The following SVIL variants were observed in gnomAD, a reference collection of about 807,000 sequenced individuals.
SVIL encodes supervillin.
SVIL carries 101 observed loss-of-function variants against 240.4 expected under a neutral mutation model. That is an observed-to-expected ratio of 0.42 (90% CI 0.36 to 0.50). SVIL has a LOEUF of 0.50. Ranked by LOEUF, SVIL falls within the 20% of genes least tolerant of loss-of-function variation. SVIL has a pLI of 0.01. For missense variants in SVIL, 2,512 were observed against 2,818.7 expected (o/e 0.89, Z 2.46); for synonymous variants, 999 against 1,100.0 (o/e 0.91, Z 1.82).
intron 17 of SVIL, among the ~76,000 whole-genome samples, chr10:29,502,155 T>C (rs1383969206): frequency 6.6e-6 from 1 of 152,234 alleles, no homozygotes; most frequent in Non-Finnish European, 1.5e-5. Flanking sequence ...AATAGTAATA[T>C]TAAACATAAA....
intron 34 of SVIL, among the ~76,000 whole-genome samples, chr10:29,464,146 C>A (rs1944605843): frequency 6.6e-6 from 1 of 152,092 alleles, no homozygotes; most frequent in Non-Finnish European, 1.5e-5. Flanking sequence ...CCTTAAAAAG[C>A]AAAACTGCCA....
Position 29,524,552 on chromosome 10 carries a change from G to T in SVIL, c.2506C>A (p.Arg836=). 6.2e-7 allele frequency: 1 copy of T among 1,614,010 alleles called. No individual in the cohort carries two copies. The highest frequency in any genetic ancestry group is 8.5e-7 in the Non-Finnish European group (1 of 1,180,022). ...CTCTGTCTCGTGTCTATTCTGTTCC[G>T]GGTAGAAATCGCTTTTGAGACTGGC... ...SQPVSKAIST[R]NRIDTRQRRM... is the part of the protein sequence containing the mutation. The change falls in exon 14 of 38, where the codon CGG becomes AGG. Residue 836 remains arginine, a synonymous_variant. Coordinates refer to ENST00000355867, the MANE Select transcript of SVIL (RefSeq NM_021738.3).
At chr10:29,493,441 C>T in intron 20 of SVIL, 50 bp from the exon 21 acceptor site, 1 of 1,591,764 alleles carries the variant, frequency 6.3e-7, no homozygotes, top group Non-Finnish European at 8.6e-7. Flanking sequence ...AACAAGGACT[C>T]CAATTATGCT....
chr10:29,465,307 G>A (rs1019236557), intron 34 of SVIL, among the ~76,000 whole-genome samples: 18 of 152,194 alleles, frequency 1.2e-4, no homozygotes, highest in East Asian at 3.9e-4. Context: ...GGAAAAGAGC[G>A]GAGACGCCAG....
At chr10:29,679,668 A>G (rs1020247429) in intron 2 of SVIL, among the ~76,000 whole-genome samples, 15 of 148,484 alleles carry the variant, frequency 1.0e-4, no homozygotes, top group Admixed American at 9.5e-4. Flanking sequence ...AGATTCTCCT[A>G]CCTCAGCCTC....
intron 18 of SVIL, among the ~76,000 whole-genome samples, 182 bp downstream of exon 18, chr10:29,498,934 C>A (rs1291813322): frequency 1.3e-5 from 2 of 152,194 alleles, no homozygotes; most frequent in Non-Finnish European, 2.9e-5. Context: ...TGAGCCATGA[C>A]TGAGCCACTG....
At chr10:29,645,695 A>C (rs943207804) in intron 3 of SVIL, among the ~76,000 whole-genome samples, 1 of 152,270 alleles carries the variant, frequency 6.6e-6, no homozygotes, top group Non-Finnish European at 1.5e-5. Flanking sequence ...TCCTTTGATC[A>C]TGCCTCAACT....
chr10:29,651,478 T>G (rs1253652245), intron 3 of SVIL, among the ~76,000 whole-genome samples: 2 of 152,190 alleles, frequency 1.3e-5, no homozygotes, highest in Admixed American at 1.3e-4. Context: ...TGACTACCTC[T>G]CGGTAGGACT....
chr10:29,514,171 A>AATCCATAAATATTTTT (rs61122016), intron 16 of SVIL, among the ~76,000 whole-genome samples: 70,291 of 150,524 alleles, frequency 0.47, 17,777 homozygotes, highest in African/African-American at 0.65. Flanking sequence ...ATAAATATTA[A>AATCCATAAATATTTTT]ATCCATAAAT....
chr10:29,484,571 G>A lies in SVIL; in HGVS notation c.4955+85C>T, dbSNP rs990773670. ...ATGAAAACTGAACCCTATAAAGAGC[G>A]AGAGTAGAGGACTGTGGTGAGAACA... On this transcript the variant is annotated intron_variant, in intron 27 of 37. Coordinates refer to ENST00000355867, the MANE Select transcript of SVIL (RefSeq NM_021738.3). This position sits in a 1 kb window ranked among gnomAD's most constrained non-coding sequence, Gnocchi z 4.7. The A allele has an allele frequency of 4.6e-5, 57 of 1,248,260 alleles. No individual in the cohort carries two copies. The highest frequency in any genetic ancestry group is 5.7e-5 in the Admixed American group (2 of 34,812). 77.3% of individuals were successfully genotyped at this position (1,248,260 alleles called of 1,614,324 possible). A position where few individuals can be genotyped will look rare whatever the true frequency, so the allele number is the denominator to read the frequency against.
At position 29,482,169 on chromosome 10, in the gene SVIL, C is replaced by T. The variant is rs567156427; in HGVS notation, c.4956-441G>A. On this transcript the variant is annotated intron_variant, in intron 27 of 37. Coordinates refer to ENST00000355867, the MANE Select transcript of SVIL (RefSeq NM_021738.3). Reference sequence around the variant, plus strand: ...TCAGCCTTGCAGATAGCTGGAACTGCAGGTGTGTGCCACCATGCGTAGCTA... The same window carrying T: ...TCAGCCTTGCAGATAGCTGGAACTGTAGGTGTGTGCCACCATGCGTAGCTA... 2.0e-5 allele frequency among the ~76,000 whole-genome samples: 3 copies of T among 152,140 alleles called. No individual in the cohort carries two copies. The South Asian group carries it at 6.2e-4, about 32-fold the overall frequency.
At chr10:29,566,266 C>T (rs936437603) in intron 2 of SVIL, among the ~76,000 whole-genome samples, 8 of 152,156 alleles carry the variant, frequency 5.3e-5, no homozygotes, top group Non-Finnish European at 7.3e-5. Flanking sequence ...CATAATTGCA[C>T]GTGTTTATAA....
intron 1 of SVIL, among the ~76,000 whole-genome samples, chr10:29,717,547 T>C (rs1355256115): frequency 6.6e-6 from 1 of 152,212 alleles, no homozygotes; most frequent in Non-Finnish European, 1.5e-5. Context: ...TTTGTTGATA[T>C]TGATAAATTT....
chr10:29,579,886 G>A (rs887325131), intron 1 of SVIL, among the ~76,000 whole-genome samples: 1 of 152,008 alleles, frequency 6.6e-6, no homozygotes, highest in Non-Finnish European at 1.5e-5. Flanking sequence ...CTCATCACTG[G>A]GGGGCGGATG....
chr10:29,500,251 G>A (rs769217445), intron 17 of SVIL, among the ~76,000 whole-genome samples: 11 of 152,074 alleles, frequency 7.2e-5, no homozygotes, highest in Non-Finnish European at 1.3e-4. Flanking sequence ...GTCCTCAAAC[G>A]CTGGCCGGCA....
upstream of SVIL, among the ~76,000 whole-genome samples, chr10:29,635,812 A>G (rs781707017): frequency 3.3e-5 from 5 of 152,208 alleles, no homozygotes; most frequent in Non-Finnish European, 5.9e-5. Flanking sequence ...ACTTCAGTAT[A>G]AACCACAAAC....
At chr10:29,468,261 GT>G (rs1364378301) in intron 32 of SVIL, among the ~76,000 whole-genome samples, 1 of 152,108 alleles carries the variant, frequency 6.6e-6, no homozygotes, top group African/African-American at 2.4e-5. Flanking sequence ...TTAGTGTAAT[GT>G]TTTTAAGGTG....
chr10:29,527,917 C>T lies in SVIL; in HGVS notation c.2247-861G>A, dbSNP rs527286534. Among the ~76,000 whole-genome samples the T allele has an allele frequency of 8.7e-5, 13 of 149,986 alleles. No homozygotes were observed. In the East Asian group the frequency reaches 1.2e-3, roughly 14 times the overall value. ...ATATTTTTGTATTTTTTAGTAGGGA[C>T]GGGGTTTCACCATGTTGGCCAGGCT... On this transcript the variant is annotated intron_variant, in intron 12 of 37. Coordinates refer to ENST00000355867, the MANE Select transcript of SVIL (RefSeq NM_021738.3).
chr10:29,557,265 T>A (rs2132671369), intron 3 of SVIL, among the ~76,000 whole-genome samples: 1 of 143,338 alleles, frequency 7.0e-6, no homozygotes, highest in Admixed American at 7.0e-5. Flanking sequence ...CTGGCTAGCT[T>A]TTGGTTGTCT....
Sources: allele counts gnomAD v4.1 joint callset (sites outside exome capture counted in the v4.1 genomes callset), GRCh38; gene constraint gnomAD v4.1.1; non-coding constraint Gnocchi (gnomAD v3.1); transcripts MANE v1.5; gene names NCBI Gene and HGNC (gene_info 2026-07-23, HGNC 2026-07-21).